The following CHRNA4 variants were observed in gnomAD, a reference collection of about 807,000 sequenced individuals.
CHRNA4 encodes neuronal acetylcholine receptor subunit alpha-4.
Under a neutral mutation model 48.9 loss-of-function variants are expected in CHRNA4, and 28 were observed. The observed-to-expected ratio is 0.57, with a 90% confidence interval of 0.42 to 0.79. The LOEUF is 0.79. CHRNA4 is among the 30% of genes least tolerant of loss of function. The pLI is 0.00. For missense variants in CHRNA4, 859 were observed against 898.4 expected, an observed-to-expected ratio of 0.96 and a Z score of 0.56; for synonymous variants, 425 against 402.3, an observed-to-expected ratio of 1.06 and a Z score of -0.68.
chr20:63,353,093 C>A (rs1318980893), intron 4 of CHRNA4, among the ~76,000 whole-genome samples: 1 of 152,230 alleles, frequency 6.6e-6, no homozygotes, highest in African/African-American at 2.4e-5. Context: ...GTCCCCTCCA[C>A]CCCGACCCCA....
intron 5 of CHRNA4, 184 bp downstream of exon 5, chr20:63,349,469 C>A: frequency 2.5e-6 from 2 of 799,392 alleles, no homozygotes; most frequent in South Asian, 3.3e-5. Flanking sequence ...CCCGCTCAGC[C>A]TGGGACCTGC....
intron 4 of CHRNA4, 95 bp downstream of exon 4, chr20:63,355,880 G>A: frequency 6.5e-7 from 1 of 1,536,824 alleles, no homozygotes; most frequent in South Asian, 1.2e-5. Context: ...GCCAGGCTGG[G>A]CCTTGGTGGA....
At chr20:63,351,094 C>G in intron 4 of CHRNA4, 67 bp from the exon 5 acceptor site, 4 of 1,540,372 alleles carry the variant, frequency 2.6e-6, no homozygotes, top group Non-Finnish European at 3.5e-6. Context: ...CCCACGCCCA[C>G]TGCCACACCC....
At position 63,360,825 on chromosome 20, in the gene CHRNA4, G is replaced by A. The variant is rs1568821011; in HGVS notation, c.76+265C>T. On this transcript the variant is annotated intron_variant, in intron 1 of 5. Coordinates refer to ENST00000370263, the MANE Select transcript of CHRNA4 (RefSeq NM_000744.7). ...AGTTCGAGCTTTTGGGGCCAGCCCT[G>A]AAATAGCAGCGGAACCCCCCACACC... 2.0e-5 allele frequency among the ~76,000 whole-genome samples: 3 copies of A among 152,352 alleles called. No individual in the cohort carries two copies. In the East Asian group the frequency reaches 5.8e-4, roughly 29 times the overall value.
chr20:63,349,735 G>A lies in CHRNA4; in HGVS notation c.1676C>T (p.Pro559Leu). Residue 559 changes from proline (P) to leucine (L), a missense_variant, in exon 5 of 6, where the codon CCC becomes CTC. By Grantham distance (98) the Pro-to-Leu change is moderately conservative. This residue lies in a region of CHRNA4 where 478 missense variants were observed against 455.4 expected (regional missense o/e 1.05). Coordinates refer to ENST00000370263, the MANE Select transcript of CHRNA4 (RefSeq NM_000744.7). ...RSTKAPPPHL[P>L]LSPALTRAVE... Reference sequence around the variant, plus strand: ...CGCCCGGGTCAGGGCCGGCGACAGGGGCAGGTGCGGGGGCGGCGCTTTGGT... The same window carrying A: ...CGCCCGGGTCAGGGCCGGCGACAGGAGCAGGTGCGGGGGCGGCGCTTTGGT... 1.2e-6 allele frequency: 2 copies of A among 1,612,750 alleles called. No individual in the cohort carries two copies. Among genetic ancestry groups the A allele is most frequent in the Non-Finnish European group, 1.7e-6 (2 of 1,179,852 alleles).
In CHRNA4 at chr20:63,343,611, G is replaced by C. The variant is rs201811624; in HGVS notation, c.*3127C>G. On this transcript the variant is annotated 3_prime_UTR_variant, in exon 6 of 6. Coordinates refer to ENST00000370263, the MANE Select transcript of CHRNA4 (RefSeq NM_000744.7). ...GAGATTACCACGCTTCCTGAGAGGA[G>C]GGCCACGTCGCCCCAGGCCGGGCCA... The C allele has an allele frequency of 6.6e-6, 3 of 453,782 alleles. No individual in the cohort carries two copies. Among genetic ancestry groups the C allele is most frequent in the Non-Finnish European group, 1.3e-5 (3 of 226,644 alleles). The allele number at this position is 453,782 out of a possible 1,614,324, so 28.1% of individuals were successfully genotyped here.
chr20:63,350,414 G>A lies in CHRNA4; in HGVS notation c.997C>T (p.Arg333Cys), dbSNP rs761631713. The A allele has an allele frequency of 6.2e-6, 10 of 1,613,826 alleles. No homozygotes were observed. The highest frequency in any genetic ancestry group is 5.3e-5 in the African/African-American group (4 of 74,912). The part of the protein sequence containing the change: ...ITVFVLNVHH[R>C]SPRTHTMPTW... ...GGCATGGTGTGCGTGCGTGGCGAGC[G>A]GTGGTGCACGTTGAGCACGAAGACC... The change falls in exon 5 of 6, where the codon CGC (arginine) becomes TGC (cysteine). Residue 333 changes from arginine to cysteine, a missense_variant. By Grantham distance (180) the Arg-to-Cys change is radical. This residue lies in a region of CHRNA4 where 478 missense variants were observed against 455.4 expected (regional missense o/e 1.05). Coordinates refer to ENST00000370263, the MANE Select transcript of CHRNA4 (RefSeq NM_000744.7).
intron 5 of CHRNA4, chr20:63,349,394 ACT>A: frequency 1.7e-6 from 1 of 581,398 alleles, no homozygotes; most frequent in Non-Finnish European, 3.1e-6. Flanking sequence ...GCCGAGGCCC[ACT>A]GTGTCCCAAA....
At chr20:63,355,581 AG>A (rs2145400186) in intron 4 of CHRNA4, 1 of 1,300,294 alleles carries the variant, frequency 7.7e-7, no homozygotes, top group East Asian at 5.3e-5. Context: ...CCTGCCCAAA[AG>A]GGCTCTCCTG....
In CHRNA4 at chr20:63,359,649, T is replaced by A; in HGVS notation, c.127A>T (p.Lys43Ter). The change falls in exon 2 of 6, where the codon AAA (lysine) becomes TAA (stop). Residue 43 changes from lysine to a stop codon, truncating the protein, a stop_gained. Transcript: ENST00000370263. LOFTEE classifies it high-confidence loss of function. ...RAHAEERLLK[K>*]LFSGYNKWSR... is the part of the protein sequence containing the mutation. ...CACTTGTTGTAACCGGAGAAGAGTT[T>A]CTTCAGGAGCCGCTCCTCGGCGTGG... 6.2e-7 allele frequency: 1 copy of A among 1,612,370 alleles called. No homozygotes were observed. Among genetic ancestry groups the A allele is most frequent in the Non-Finnish European group, 8.5e-7 (1 of 1,179,914 alleles).
Position 63,346,254 on chromosome 20 carries a change from G to C in CHRNA4, c.*484C>G, listed in dbSNP as rs772942740. On this transcript the variant is annotated 3_prime_UTR_variant, in exon 6 of 6. Transcript: ENST00000370263. ...CGAGAGGCTCAAGGACCCTGGGGGA[G>C]AAGTTGAAGCCCACACAGGCGCAGG... The C allele has an allele frequency of 2.2e-6, 1 of 453,338 alleles. No individual in the cohort carries two copies. Among genetic ancestry groups the C allele is most frequent in the South Asian group, 1.6e-5 (1 of 64,352 alleles). 28.1% of individuals were successfully genotyped at this position (453,338 alleles called of 1,614,324 possible).
chr20:63,347,666 C>T (rs563087372), intron 5 of CHRNA4, among the ~76,000 whole-genome samples: 1 of 152,348 alleles, frequency 6.6e-6, no homozygotes, highest in African/African-American at 2.4e-5. Context: ...CTGCCCTCGC[C>T]CCGGCTCCCC....
chr20:63,353,581 TCCTGGGGGGACTGC>T, intron 4 of CHRNA4, among the ~76,000 whole-genome samples: 1 of 61,714 alleles, frequency 1.6e-5, no homozygotes, highest in Non-Finnish European at 3.0e-5. Context: ...GGGGCTGCGG[TCCTGGGGGGACTGC>T]AGTCCTAGGG....
intron 1 of CHRNA4, chr20:63,359,926 TGTGCCGGGC>T: frequency 2.3e-6 from 1 of 435,762 alleles, no homozygotes. Context: ...TGTGTGTGTG[TGTGCCGGGC>T]GTGGCGTGCG....
intron 4 of CHRNA4, among the ~76,000 whole-genome samples, chr20:63,353,535 AG>A (rs1458793825): frequency 1.2e-4 from 2 of 16,804 alleles, no homozygotes; most frequent in African/African-American, 2.5e-4. Context: ...GTGGTCCTAG[AG>A]GGGGCCATGG....
chr20:63,356,700 C>T (rs1568817268), intron 2 of CHRNA4: 1 of 541,980 alleles, frequency 1.8e-6, no homozygotes, highest in Non-Finnish European at 3.3e-6. Context: ...ACAGGTGTGG[C>T]GGGCATGGGG....
chr20:63,349,889 C>A lies in CHRNA4; in HGVS notation c.1522G>T (p.Gly508Cys), dbSNP rs111286066. 1 of 1,592,390 alleles carries A rather than the reference C, an allele frequency of 6.3e-7. No individual in the cohort carries two copies. The change falls in exon 5 of 6, where the codon GGC (glycine) becomes TGC (cysteine). Residue 508 changes from glycine to cysteine, a missense_variant. Coordinates refer to ENST00000370263, the MANE Select transcript of CHRNA4 (RefSeq NM_000744.7). ...AAPEADGQAA[G>C]ALASRNTHSA... ...TGGGTGTTGCGAGAGGCCAGGGCGC[C>A]GGCAGCCTGGCCATCTGCCTCGGGG...
In CHRNA4 at chr20:63,350,083, T is replaced by C; in HGVS notation, c.1328A>G (p.His443Arg). The C allele has an allele frequency of 6.6e-7, 1 of 1,518,804 alleles. No individual in the cohort carries two copies. The highest frequency in any genetic ancestry group is 8.8e-7 in the Non-Finnish European group (1 of 1,130,990). The allele number at this position is 1,518,804 out of a possible 1,614,324, so 94.1% of individuals were successfully genotyped here. ...QPLEAEKASP[H>R]PSPGPCRPPH... ...CGGGCGGCAGGGTCCAGGCGAGGGG[T>C]GGGGGCTGGCTTTCTCAGCTTCCAG... Residue 443 changes from histidine to arginine, a missense_variant, in exon 5 of 6, where the codon CAC becomes CGC. Physicochemically the swap from His to Arg is conservative, Grantham distance 29. Around this residue, in one of 3 missense-constraint regions of CHRNA4, gnomAD observed 478 missense variants for 455.4 expected, o/e 1.05. Coordinates refer to ENST00000370263, the MANE Select transcript of CHRNA4 (RefSeq NM_000744.7).
At chr20:63,358,313 G>A (rs1294742986) in intron 2 of CHRNA4, among the ~76,000 whole-genome samples, 1 of 152,208 alleles carries the variant, frequency 6.6e-6, no homozygotes, top group Non-Finnish European at 1.5e-5. Flanking sequence ...AAAGCCCCTG[G>A]GGTGTGGCCC....
Sources: gnomAD v4.1 joint callset for allele counts (sites outside exome capture counted in the v4.1 genomes callset) on GRCh38, gnomAD v4.1.1 for gene constraint, gnomAD v4.1.1 regional missense constraint, MANE v1.5 for transcripts, NCBI Gene and HGNC (gene_info 2026-07-23, HGNC 2026-07-21) for gene names.